RGS5: variants seen among roughly 807,000 people sequenced by gnomAD.
RGS5 encodes the protein regulator of G-protein signalling 5.
Under a neutral mutation model 18.9 loss-of-function variants are expected in RGS5, and 20 were observed. The ratio of observed to expected loss-of-function variants is 1.06; its 90% confidence interval spans 0.74 to 1.54. RGS5 has a LOEUF of 1.54. Ranked by LOEUF, RGS5 falls within the 40% of genes most tolerant of loss-of-function variation. The pLI is 0.00. For synonymous variants in RGS5, 57 were observed against 76.2 expected (o/e 0.75, Z 1.31); for missense variants, 201 against 211.8 (o/e 0.95, Z 0.32).
upstream of RGS5, among the ~76,000 whole-genome samples, chr1:163,207,907 A>C (rs376282140): frequency 6.6e-6 from 1 of 152,172 alleles, no homozygotes; most frequent in African/African-American, 2.4e-5. Context: ...ACCAAAAAAA[A>C]AGAAAGATTA....
At chr1:163,284,476 G>A (rs935554712) in intron 2 of RGS5, among the ~76,000 whole-genome samples, 1 of 151,630 alleles carries the variant, frequency 6.6e-6, no homozygotes, top group African/African-American at 2.4e-5. Flanking sequence ...TTCTTACTTT[G>A]AGCATATCTT....
At chr1:163,164,032 A>G (rs981601852) in intron 2 of RGS5, among the ~76,000 whole-genome samples, 4 of 152,196 alleles carry the variant, frequency 2.6e-5, no homozygotes, top group Admixed American at 6.5e-5. Flanking sequence ...ATCACAGCCA[A>G]GATTAAATTC....
intron 2 of RGS5, among the ~76,000 whole-genome samples, chr1:163,305,744 A>C (rs1484483044): frequency 2.0e-5 from 3 of 152,198 alleles, no homozygotes; most frequent in East Asian, 3.9e-4. Context: ...AGGAACAAGA[A>C]GAAAGACTCT....
chr1:163,219,198 C>T (rs771562955), upstream of RGS5, among the ~76,000 whole-genome samples: 1 of 152,126 alleles, frequency 6.6e-6, no homozygotes, highest in Non-Finnish European at 1.5e-5. Flanking sequence ...ACTCGTACAA[C>T]CAGCACCCAG....
intron 2 of RGS5, among the ~76,000 whole-genome samples, chr1:163,256,152 GA>G (rs1292025433): frequency 6.6e-6 from 1 of 152,106 alleles, no homozygotes; most frequent in Non-Finnish European, 1.5e-5. Context: ...ATTCAATTAG[GA>G]AAAGAGGAAG....
intron 2 of RGS5, among the ~76,000 whole-genome samples, chr1:163,298,253 C>T (rs1224914855): frequency 6.6e-6 from 1 of 151,944 alleles, no homozygotes; most frequent in Non-Finnish European, 1.5e-5. Flanking sequence ...GATAACTAAT[C>T]ATATAAAACA....
intron 1 of RGS5, among the ~76,000 whole-genome samples, chr1:163,315,319 G>A (rs1649991084): frequency 6.6e-6 from 1 of 152,158 alleles, no homozygotes; most frequent in Admixed American, 6.5e-5. Flanking sequence ...CACTTTGGGA[G>A]GCCAAGACAG....
chr1:163,195,189 C>G (rs1376016115), intron 1 of RGS5, among the ~76,000 whole-genome samples: 1 of 152,114 alleles, frequency 6.6e-6, no homozygotes, highest in African/African-American at 2.4e-5. Context: ...AACCTACGTG[C>G]CCATCGACCA....
chr1:163,197,468 G>A (rs181808461), intron 1 of RGS5, among the ~76,000 whole-genome samples: 31 of 152,222 alleles, frequency 2.0e-4, no homozygotes, highest in African/African-American at 5.8e-4. Context: ...ATATTCCTTC[G>A]TAGTGGATTG....
chr1:163,168,195 C>T lies in RGS5; in HGVS notation c.155+63G>A, dbSNP rs1557886990. The T allele has an allele frequency of 4.1e-6, 5 of 1,226,790 alleles. No individual in the cohort carries two copies. In the East Asian group the frequency reaches 9.3e-5, roughly 23 times the overall value. 76.0% of individuals were successfully genotyped at this position (1,226,790 alleles called of 1,614,324 possible). A position where few individuals can be genotyped will look rare whatever the true frequency, so the allele number is the denominator to read the frequency against. On this transcript the variant is annotated intron_variant, in intron 2 of 4. Coordinates refer to ENST00000313961, the MANE Select transcript of RGS5 (RefSeq NM_003617.4). ...GTAGTTCTACAGATGAGGAATGGTGCTAAACACTTGGAAAATAGCCATCCT... is the reference window on the plus strand; with the variant it reads ...GTAGTTCTACAGATGAGGAATGGTGTTAAACACTTGGAAAATAGCCATCCT...
chr1:163,303,116 A>C (rs934632308), intron 2 of RGS5, among the ~76,000 whole-genome samples: 2 of 152,220 alleles, frequency 1.3e-5, no homozygotes, highest in Non-Finnish European at 2.9e-5. Context: ...AAATGGAGAA[A>C]AAATAATTTT....
intron 3 of RGS5, among the ~76,000 whole-genome samples, chr1:163,156,597 T>C (rs1309764255): frequency 6.6e-6 from 1 of 152,166 alleles, no homozygotes; most frequent in Non-Finnish European, 1.5e-5. Context: ...GCCTCTCTTT[T>C]GCATCCCACC....
chr1:163,223,905 C>T lies in RGS5; in HGVS notation c.-280-55537G>A, dbSNP rs116572485. On this transcript the variant is annotated intron_variant, in intron 2 of 5. Transcript: ENST00000618415. Reference sequence around the variant, plus strand: ...GCAACATAAGGTCATGGTGGTAAGGCTTTTTGAGTTTTATTTTGTTTTTAA... The same window carrying T: ...GCAACATAAGGTCATGGTGGTAAGGTTTTTTGAGTTTTATTTTGTTTTTAA... Among the ~76,000 whole-genome samples, 1,058 of 152,038 alleles carry T rather than the reference C, an allele frequency of 7.0e-3. 12 individuals carry two copies. The highest frequency in any genetic ancestry group is 0.024 in the African/African-American group (992 of 41,440).
At chr1:163,314,410 T>C (rs1391886101) in intron 1 of RGS5, among the ~76,000 whole-genome samples, 1 of 152,078 alleles carries the variant, frequency 6.6e-6, no homozygotes, top group Non-Finnish European at 1.5e-5. Context: ...GAAAAAGATA[T>C]AGAGAACTTA....
At chr1:163,249,114 G>A (rs1648029872) in intron 2 of RGS5, among the ~76,000 whole-genome samples, 1 of 152,184 alleles carries the variant, frequency 6.6e-6, no homozygotes, top group Non-Finnish European at 1.5e-5. Flanking sequence ...AGGGCATGAG[G>A]TGCTCAAATT....
chr1:163,208,987 T>G (rs1456778746), intron 1 of RGS5, among the ~76,000 whole-genome samples: 1 of 152,156 alleles, frequency 6.6e-6, no homozygotes, highest in African/African-American at 2.4e-5. Flanking sequence ...AGAATCTAAC[T>G]TCTTCTCAAA....
At chr1:163,282,544 A>G (rs553775113) in intron 2 of RGS5, among the ~76,000 whole-genome samples, 1 of 152,174 alleles carries the variant, frequency 6.6e-6, no homozygotes, top group South Asian at 2.1e-4. Context: ...TGTCTCTATG[A>G]AAACATTTTT....
At chr1:163,158,152 A>G (rs1439503975) in intron 3 of RGS5, among the ~76,000 whole-genome samples, 5 of 152,204 alleles carry the variant, frequency 3.3e-5, no homozygotes, top group Non-Finnish European at 5.9e-5. Context: ...ACAGTTATTC[A>G]TGGTATTCTA....
chr1:163,247,402 C>T (rs1420203647), intron 2 of RGS5, among the ~76,000 whole-genome samples: 1 of 151,994 alleles, frequency 6.6e-6, no homozygotes, highest in African/African-American at 2.4e-5. Flanking sequence ...TTATCTGTGA[C>T]AGGGGTAACC....
Sources: allele counts gnomAD v4.1 joint callset (sites outside exome capture counted in the v4.1 genomes callset), GRCh38; gene constraint gnomAD v4.1.1; transcripts MANE v1.5; gene names NCBI Gene and HGNC (gene_info 2026-07-23, HGNC 2026-07-21).